QARS1: variants seen among roughly 807,000 people sequenced by gnomAD.
The protein encoded by QARS1 is glutamine--tRNA ligase.
A neutral mutation model predicts 106.9 loss-of-function variants in QARS1; 79 were observed. The observed-to-expected ratio is 0.74, with a 90% CI of 0.62 to 0.89. The LOEUF (loss-of-function observed/expected upper bound fraction) is 0.89. Among genes scored for constraint, QARS1 ranks in the 40% least tolerant of loss-of-function variants. The pLI is 0.00. For synonymous variants in QARS1, 395 were observed against 367.7 expected (o/e 1.07, Z -0.85); for missense variants, 966 against 997.2 (o/e 0.97, Z 0.42).
intron 11 of QARS1, 48 bp from the exon 12 acceptor site, chr3:49,100,506 GT>G (rs759316095): frequency 6.2e-7 from 1 of 1,605,436 alleles, no homozygotes; most frequent in Non-Finnish European, 8.5e-7. Flanking sequence ...CAAACACCCA[GT>G]GGGCAGGCCA....
intron 23 of QARS1, among the ~76,000 whole-genome samples, 194 bp from the exon 24 acceptor site, chr3:49,096,273 G>C (rs181372309): frequency 6.6e-6 from 1 of 152,228 alleles, no homozygotes; most frequent in Non-Finnish European, 1.5e-5. Context: ...CTAGGCTATA[G>C]TATTATATGG....
At chr3:49,104,102 G>C in intron 2 of QARS1, 130 bp from the exon 3 acceptor site, 1 of 1,106,494 alleles carries the variant, frequency 9.0e-7, no homozygotes, top group Non-Finnish European at 1.4e-6. Context: ...CACCACCCTA[G>C]AGAACACAGG....
chr3:49,101,844 A>G lies in QARS1; in HGVS notation c.687T>C (p.Leu229=), dbSNP rs1479459378. 3 of 1,612,596 alleles carry G rather than the reference A, an allele frequency of 1.9e-6. No individual in the cohort carries two copies. The highest frequency in any genetic ancestry group is 2.5e-6 in the Non-Finnish European group (3 of 1,179,264). ...SLMEQLRGEA[L]KFHKPGENYK... ...CCCACTAACCAGGCTTGTGGAACTT[A>G]AGGGCCTCCCCCCGGAGCTGCTCCA... Residue 229 remains leucine, a synonymous_variant, in exon 8 of 24, where the codon CTT becomes CTC. Transcript: ENST00000306125.
At position 49,098,109 on chromosome 3, in the gene QARS1, T is replaced by C. The variant is rs2107095028; in HGVS notation, c.2160A>G (p.Leu720=). The change falls in exon 23 of 24, where the codon CTA becomes CTG. Residue 720 remains leucine, a synonymous_variant. Coordinates refer to ENST00000306125, the MANE Select transcript of QARS1 (RefSeq NM_005051.3). The stretch of plus-strand genomic sequence containing the variant: ...CCACTAATGCTGCATCCACCACGTG[T>C]AGTGATGCCTGCAGGCAGGGAACTC... ...GFLSDLNLAS[L]HVVDAALVDC... 1.9e-6 allele frequency: 3 copies of C among 1,614,066 alleles called. No homozygotes were observed. The highest frequency in any genetic ancestry group is 4.5e-5 in the East Asian group (2 of 44,866).
chr3:49,098,967 T>G lies in QARS1; in HGVS notation c.1781A>C (p.Asn594Thr), dbSNP rs372524045. ...GCCTTTGGTCTCATCAGCTGGGAAG[T>G]TGGGCACCTGGATGTCCAAGGACTA... ...AAKSLDIQVP[N>T]FPADETKGFH... The change falls in exon 19 of 24, where the codon AAC becomes ACC. Residue 594 changes from asparagine (N) to threonine (T), a missense_variant. Coordinates refer to ENST00000306125, the MANE Select transcript of QARS1 (RefSeq NM_005051.3). The G allele has an allele frequency of 1.3e-5, 21 of 1,614,018 alleles. No homozygotes were observed. In the African/African-American group the frequency reaches 2.8e-4, roughly 22 times the overall value.
At chr3:49,098,282 C>T (rs1248051357) in intron 21 of QARS1, 24 bp from the exon 22 acceptor site, 1 of 1,614,068 alleles carries the variant, frequency 6.2e-7, no homozygotes, top group South Asian at 1.1e-5. Context: ...GAAGGTCATA[C>T]CCCCAGCTGG....
intron 10 of QARS1, 70 bp from the exon 11 acceptor site, chr3:49,100,744 G>C (rs772948431): frequency 2.4e-6 from 3 of 1,272,948 alleles, no homozygotes; most frequent in Non-Finnish European, 2.3e-6. Flanking sequence ...TATCAAACTA[G>C]GATATTCACA....
In QARS1 at chr3:49,104,681, T is replaced by C; in HGVS notation, c.53A>G (p.Gln18Arg). 1.2e-6 allele frequency: 2 copies of C among 1,611,014 alleles called. No individual in the cohort carries two copies. Among genetic ancestry groups the C allele is most frequent in the South Asian group, 1.1e-5 (1 of 91,058 alleles). ...SLFTSLGLSE[Q>R]KARETLKNSA... Reference sequence around the variant, plus strand: ...GTTCTTGAGCGTCTCGCGGGCCTTCTGCTCGCTCAGGCCGAGGCTAGTGAA... The same window carrying C: ...GTTCTTGAGCGTCTCGCGGGCCTTCCGCTCGCTCAGGCCGAGGCTAGTGAA... The change falls in exon 1 of 24, where the codon CAG becomes CGG. Residue 18 changes from glutamine to arginine, a missense_variant. By Grantham distance (43) the Gln-to-Arg change is conservative. Coordinates refer to ENST00000306125, the MANE Select transcript of QARS1 (RefSeq NM_005051.3).
rs1231567709 is a variant in QARS1 at position 49,100,314 on chromosome 3, G to GT, written c.1056-17dup. Reference sequence around the variant, plus strand: ...AGCCAGACCCCTGTGGGGAAGCGGTGTGAGTGCCCAGCATGGCTGTGACCT... The same window carrying GT: ...AGCCAGACCCCTGTGGGGAAGCGGTGTTGAGTGCCCAGCATGGCTGTGACCT... On this transcript the variant is annotated splice_polypyrimidine_tract_variant and intron_variant, in intron 12 of 23. Coordinates refer to ENST00000306125, the MANE Select transcript of QARS1 (RefSeq NM_005051.3). 1.2e-6 allele frequency: 2 copies of GT among 1,614,082 alleles called. No homozygotes were observed. The highest frequency in any genetic ancestry group is 1.7e-6 in the Non-Finnish European group (2 of 1,179,990).
rs556906258 is a variant in QARS1, at chr3:49,099,257, G to C, written c.1615-4C>G. 6.2e-7 allele frequency: 1 copy of C among 1,614,142 alleles called. No homozygotes were observed. Among genetic ancestry groups the C allele is most frequent in the East Asian group, 2.2e-5 (1 of 44,894 alleles). Reference sequence around the variant, plus strand: ...TTTGTGCCACAGTCACTCCCACCTGGCAGGAAAGTTCAGCATCAGTCACAG... The same window carrying C: ...TTTGTGCCACAGTCACTCCCACCTGCCAGGAAAGTTCAGCATCAGTCACAG... On this transcript the variant is annotated splice_region_variant and splice_polypyrimidine_tract_variant and intron_variant, in intron 17 of 23. Coordinates refer to ENST00000306125, the MANE Select transcript of QARS1 (RefSeq NM_005051.3).
chr3:49,099,047 C>T, intron 18 of QARS1, 58 bp from the exon 19 acceptor site: 2 of 1,613,346 alleles, frequency 1.2e-6, no homozygotes, highest in Non-Finnish European at 1.7e-6. Context: ...ACCCCCATGC[C>T]CAGAGCCAAG....
At chr3:49,101,954 A>C in intron 7 of QARS1, 55 bp from the exon 8 acceptor site, 1 of 1,543,636 alleles carries the variant, frequency 6.5e-7, no homozygotes, top group Non-Finnish European at 8.8e-7. Context: ...ACCATATCCT[A>C]CAGCCAGAAC....
chr3:49,099,221 C>T lies in QARS1; in HGVS notation c.1647G>A (p.Glu549=). ...VGVTVAQTTM[E]PHLLEACVRD... ...GCACACAGGCTTCTAGAAGATGTGG[C>T]TCCATTGTGGTTTGTGCCACAGTCA... The change falls in exon 18 of 24, where the codon GAG becomes GAA. Residue 549 remains glutamate, a synonymous_variant. Transcript: ENST00000306125. The T allele has an allele frequency of 6.2e-7, 1 of 1,614,176 alleles. No homozygotes were observed. The highest frequency in any genetic ancestry group is 8.5e-7 in the Non-Finnish European group (1 of 1,180,022).
At chr3:49,097,712 C>G (rs984853695) in intron 23 of QARS1, among the ~76,000 whole-genome samples, 58 of 152,146 alleles carry the variant, frequency 3.8e-4, no homozygotes, top group Non-Finnish European at 7.9e-4. Flanking sequence ...AGGAGAATCA[C>G]TTGAACCTGG....
rs1575400316 is a variant in QARS1, at chr3:49,099,624, C to T, written c.1412G>A (p.Cys471Tyr). ...QARRSSYFWL[C>Y]NALDVYCPVQ... ...AGGGCAATAGACGTCCAGTGCATTG[C>T]AAAGCCAGAAGTAGGAAGAGCGTCT... Residue 471 changes from cysteine (C) to tyrosine (Y), a missense_variant, in exon 16 of 24, where the codon TGC becomes TAC. By Grantham distance (194) the Cys-to-Tyr change is radical. Transcript: ENST00000306125. 6.2e-7 allele frequency: 1 copy of T among 1,614,120 alleles called. No individual in the cohort carries two copies. Among genetic ancestry groups the T allele is most frequent in the Non-Finnish European group, 8.5e-7 (1 of 1,179,970 alleles).
intron 10 of QARS1, among the ~76,000 whole-genome samples, chr3:49,100,979 T>G (rs1272581447): frequency 6.6e-6 from 1 of 152,162 alleles, no homozygotes; most frequent in Non-Finnish European, 1.5e-5. Flanking sequence ...TGACCTCAAG[T>G]GATCCACCCA....
intron 7 of QARS1, 70 bp from the exon 8 acceptor site, chr3:49,101,969 C>T: frequency 6.7e-7 from 1 of 1,483,410 alleles, no homozygotes; most frequent in Non-Finnish European, 9.2e-7. Flanking sequence ...CAGAACAGAA[C>T]TGAGTAGACC....
At position 49,101,819 on chromosome 3, in the gene QARS1, C is replaced by T; in HGVS notation, c.703+9G>A. The T allele has an allele frequency of 6.2e-7, 1 of 1,610,486 alleles. No individual in the cohort carries two copies. Among genetic ancestry groups the T allele is most frequent in the Non-Finnish European group, 8.5e-7 (1 of 1,178,078 alleles). On this transcript the variant is annotated intron_variant, in intron 8 of 23. Transcript: ENST00000306125. Reference sequence around the variant, plus strand: ...CAGCCCTCCCCAGGGTTTTGACATGCCCACTAACCAGGCTTGTGGAACTTA... The same window carrying T: ...CAGCCCTCCCCAGGGTTTTGACATGTCCACTAACCAGGCTTGTGGAACTTA...
rs1323325877 is a variant in QARS1 at position 49,098,048 on chromosome 3, A to G, written c.2221T>C (p.Phe741Leu). 6.2e-7 allele frequency: 1 copy of G among 1,614,152 alleles called. No homozygotes were observed. The highest frequency in any genetic ancestry group is 8.5e-7 in the Non-Finnish European group (1 of 1,180,018). Residue 741 changes from phenylalanine to leucine, a missense_variant, in exon 23 of 24, where the codon TTC becomes CTC. Phe to Leu is a conservative substitution (Grantham distance 22). Transcript: ENST00000306125. ...AAATATCCAAGACGCTCAAACTGGA[A>G]CTTGTCGAAGGGTTTTGCCAGGGCC... ...SVALAKPFDK[F>L]QFERLGYFSV... is the part of the protein sequence containing the mutation.
Sources: allele counts gnomAD v4.1 joint callset (sites outside exome capture counted in the v4.1 genomes callset), GRCh38; gene constraint gnomAD v4.1.1; transcripts MANE v1.5; gene names NCBI Gene and HGNC (gene_info 2026-07-23, HGNC 2026-07-21).